Variants in KIRREL1 observed in about 807,000 individuals in gnomAD.
KIRREL1 encodes kirre like nephrin family adhesion molecule 1.
In KIRREL1, 25 loss-of-function variants were observed where a neutral mutation model predicts 83.3. The ratio of observed to expected loss-of-function variants is 0.30; its 90% confidence interval spans 0.22 to 0.42. KIRREL1 has a LOEUF of 0.42. Ranked by LOEUF, KIRREL1 falls within the 10% of genes least tolerant of loss-of-function variation. The pLI is 1.00. For synonymous variants in KIRREL1, 388 were observed against 410.4 expected, an observed-to-expected ratio of 0.95 and a Z score of 0.66; for missense variants, 812 against 1,032.3, an observed-to-expected ratio of 0.79 and a Z score of 2.92.
chr1:158,070,236 A>G (rs1256785676), intron 1 of KIRREL1, among the ~76,000 whole-genome samples: 1 of 152,220 alleles, frequency 6.6e-6, no homozygotes, highest in Non-Finnish European at 1.5e-5. Flanking sequence ...GGTAGAGGTC[A>G]TGAATCTCGT....
At chr1:158,036,922 C>T (rs1476913580) in intron 1 of KIRREL1, among the ~76,000 whole-genome samples, 1 of 152,158 alleles carries the variant, frequency 6.6e-6, no homozygotes, top group Admixed American at 6.5e-5. Context: ...CTTTAATCAG[C>T]CAGAGGAGCC....
At chr1:158,023,254 CA>C (rs1198676585) in intron 1 of KIRREL1, among the ~76,000 whole-genome samples, 1 of 152,010 alleles carries the variant, frequency 6.6e-6, no homozygotes, top group Non-Finnish European at 1.5e-5. Context: ...TTCTTGTCTA[CA>C]AAAAAACTCC....
intron 1 of KIRREL1, among the ~76,000 whole-genome samples, chr1:158,072,371 G>A (rs1441270172): frequency 6.6e-6 from 1 of 152,144 alleles, no homozygotes; most frequent in African/African-American, 2.4e-5. Context: ...CCCGTAGTGT[G>A]CCAGGCAGCA....
chr1:158,034,334 T>G (rs1038733440), intron 1 of KIRREL1, among the ~76,000 whole-genome samples: 1 of 152,250 alleles, frequency 6.6e-6, no homozygotes, highest in South Asian at 2.1e-4. Context: ...TCTTTGATTT[T>G]AGATGCCTCA....
At chr1:158,092,727 T>C (rs1479448536) in intron 11 of KIRREL1, among the ~76,000 whole-genome samples, 1 of 152,038 alleles carries the variant, frequency 6.6e-6, no homozygotes, top group Non-Finnish European at 1.5e-5. Context: ...AACGTGGGGC[T>C]CCACAGGGAA....
intron 1 of KIRREL1, among the ~76,000 whole-genome samples, chr1:158,030,268 T>C (rs966005300): frequency 9.2e-5 from 14 of 152,256 alleles, no homozygotes; most frequent in African/African-American, 2.9e-4. Context: ...ATAAACTCTT[T>C]TGAGAATCTT....
intron 1 of KIRREL1, among the ~76,000 whole-genome samples, chr1:157,996,925 C>T (rs999674217): frequency 1.3e-5 from 2 of 152,206 alleles, no homozygotes; most frequent in African/African-American, 2.4e-5. Flanking sequence ...CAGGCCTTCT[C>T]GCCTCTGCTC....
At chr1:158,006,993 G>A (rs1343399990) in intron 1 of KIRREL1, among the ~76,000 whole-genome samples, 2 of 152,208 alleles carry the variant, frequency 1.3e-5, no homozygotes, top group Non-Finnish European at 2.9e-5. Context: ...GAGAGAGGAG[G>A]GGATGGGGTC....
Position 158,086,654 on chromosome 1 carries a change from C to T in KIRREL1, c.569C>T (p.Thr190Met), listed in dbSNP as rs1038309946. 14 of 1,551,778 alleles carry T rather than the reference C, an allele frequency of 9.0e-6. No individual in the cohort carries two copies. Among genetic ancestry groups the T allele is most frequent in the East Asian group, 4.9e-5 (2 of 40,908 alleles). The stretch of plus-strand genomic sequence containing the variant: ...GTGAGCCAACTGCTTATTAACCCCA[C>T]GGACCTGGACATAGGGCGTGTCTTC... Reference protein sequence around the residue: ...TTVSQLLINPTDLDIGRVFTC... With the variant: ...TTVSQLLINPMDLDIGRVFTC... Residue 190 changes from threonine (T) to methionine (M), a missense_variant, in exon 5 of 15, where the codon ACG (threonine) becomes ATG (methionine). Physicochemically the swap from Thr to Met is moderately conservative, Grantham distance 81. Transcript: ENST00000359209.
chr1:158,015,779 CT>C (rs1393052475), intron 1 of KIRREL1, among the ~76,000 whole-genome samples: 1 of 152,158 alleles, frequency 6.6e-6, no homozygotes, highest in East Asian at 1.9e-4. Context: ...CACTTAGGAT[CT>C]TATGGCATAT....
At chr1:158,000,309 C>T (rs776363603) in intron 1 of KIRREL1, among the ~76,000 whole-genome samples, 32 of 152,226 alleles carry the variant, frequency 2.1e-4, no homozygotes, top group Non-Finnish European at 4.0e-4. Flanking sequence ...TAGTGTGCAA[C>T]AGTAGTACAT....
intron 1 of KIRREL1, among the ~76,000 whole-genome samples, chr1:158,021,311 AAGCAGAACTC>A (rs1659998969): frequency 6.6e-6 from 1 of 152,186 alleles, no homozygotes; most frequent in Non-Finnish European, 1.5e-5. Flanking sequence ...TCCACCAAAA[AAGCAGAACTC>A]AGCTGGCTGC....
intron 1 of KIRREL1, among the ~76,000 whole-genome samples, chr1:158,003,012 C>T (rs987619557): frequency 1.3e-5 from 2 of 152,188 alleles, no homozygotes; most frequent in African/African-American, 2.4e-5. Flanking sequence ...CTCCACCCCC[C>T]ACTCCCACCC....
chr1:158,029,601 C>G (rs566366788), intron 1 of KIRREL1, among the ~76,000 whole-genome samples: 1 of 152,222 alleles, frequency 6.6e-6, no homozygotes, highest in South Asian at 2.1e-4. Flanking sequence ...TCTAGTTTAT[C>G]TCTTAACACT....
At chr1:158,046,122 A>C (rs1660771209) in intron 1 of KIRREL1, among the ~76,000 whole-genome samples, 2 of 152,232 alleles carry the variant, frequency 1.3e-5, no homozygotes, top group South Asian at 4.1e-4. Context: ...GGGCAGGAGC[A>C]GAGAGACCCA....
rs116618722 is a variant in KIRREL1 at position 158,051,651 on chromosome 1, T to G, written c.53-24462T>G. On this transcript the variant is annotated intron_variant, in intron 1 of 14. Transcript: ENST00000359209. ...TTCTTCCAATTTAATTCCCCTCTCT[T>G]GCTTACTCTTTTCCTGGGAAAAATG... 7.2e-3 allele frequency among the ~76,000 whole-genome samples: 1,097 copies of G among 152,274 alleles called. 8 individuals are homozygous for G. Among genetic ancestry groups the G allele is most frequent in the African/African-American group, 0.025 (1,052 of 41,548 alleles).
At chr1:158,002,695 G>T (rs1385720128) in intron 1 of KIRREL1, among the ~76,000 whole-genome samples, 1 of 152,124 alleles carries the variant, frequency 6.6e-6, no homozygotes, top group Non-Finnish European at 1.5e-5. Flanking sequence ...TGTGAGAGAG[G>T]TATGTGAAAA....
chr1:158,064,262 A>G (rs370282847), intron 1 of KIRREL1, among the ~76,000 whole-genome samples: 14 of 152,344 alleles, frequency 9.2e-5, no homozygotes, highest in Non-Finnish European at 2.1e-4. Context: ...TTCAAGTCCC[A>G]TTACCAAGTC....
chr1:158,094,333 T>A lies in KIRREL1; in HGVS notation c.1740T>A (p.Asp580Glu). The A allele has an allele frequency of 6.2e-7, 1 of 1,609,924 alleles. No homozygotes were observed. Among genetic ancestry groups the A allele is most frequent in the Non-Finnish European group, 8.5e-7 (1 of 1,178,718 alleles). ...CACAGTCGTTTAAGGATGATGTGGA[T>A]CTGAAGCAGGACCTGCGCTGCGACA... The part of the protein sequence containing the change: ...AIYSSFKDDV[D>E]LKQDLRCDTI... The change falls in exon 14 of 15, where the codon GAT becomes GAA. Residue 580 changes from aspartate to glutamate, a missense_variant. Asp to Glu is a conservative substitution (Grantham distance 45). This residue lies in a region of KIRREL1 where 334 missense variants were observed against 383.7 expected (regional missense o/e 0.87). Coordinates refer to ENST00000359209, the MANE Select transcript of KIRREL1 (RefSeq NM_018240.7). This position sits in a 1 kb window ranked among gnomAD's most constrained non-coding sequence, Gnocchi z 4.6.
Sources: gnomAD v4.1 joint callset for allele counts (sites outside exome capture counted in the v4.1 genomes callset) on GRCh38, gnomAD v4.1.1 for gene constraint, gnomAD v4.1.1 regional missense constraint, Gnocchi (gnomAD v3.1) non-coding constraint, MANE v1.5 for transcripts, NCBI Gene and HGNC (gene_info 2026-07-23, HGNC 2026-07-21) for gene names.